The following DGKB variants were observed in gnomAD, a reference collection of about 807,000 sequenced individuals.
DGKB encodes 90 kDa diacylglycerol kinase.
A neutral mutation model predicts 114.3 loss-of-function variants in DGKB; 67 were observed. That is an observed-to-expected ratio of 0.59 (90% confidence interval 0.48 to 0.72). The LOEUF (loss-of-function observed/expected upper bound fraction) is 0.72, where lower values mean the gene tolerates loss of function less well. Ranked by LOEUF, DGKB falls within the 30% of genes least tolerant of loss-of-function variation. DGKB has a pLI of 0.00. For synonymous variants in DGKB, 398 were observed against 323.1 expected (o/e 1.23, Z -2.49); for missense variants, 907 against 975.2 (o/e 0.93, Z 0.93).
intron 5 of DGKB, among the ~76,000 whole-genome samples, chr7:14,732,276 C>A (rs1407871090): frequency 6.6e-6 from 1 of 151,890 alleles, no homozygotes; most frequent in African/African-American, 2.4e-5. Flanking sequence ...AGACTACCTA[C>A]TCTATTCCTG....
At chr7:14,504,072 T>G (rs1226215528) in intron 20 of DGKB, among the ~76,000 whole-genome samples, 2 of 152,174 alleles carry the variant, frequency 1.3e-5, no homozygotes, top group East Asian at 3.8e-4. Context: ...AAATGCAAAT[T>G]TTGCATGTAG....
chr7:14,689,471 G>T (rs1166546271), intron 9 of DGKB, among the ~76,000 whole-genome samples: 3 of 151,998 alleles, frequency 2.0e-5, no homozygotes, highest in Admixed American at 6.6e-5. Flanking sequence ...GCGCCCGGCC[G>T]AAACTTCTCT....
intron 1 of DGKB, among the ~76,000 whole-genome samples, chr7:14,923,737 G>A (rs1014963966): frequency 9.2e-5 from 14 of 152,184 alleles, no homozygotes; most frequent in African/African-American, 3.4e-4. Flanking sequence ...GCACATGCCT[G>A]TGATCCCAGC....
At chr7:14,154,868 C>T (rs1320377204) in intron 25 of DGKB, among the ~76,000 whole-genome samples, 3 of 147,922 alleles carry the variant, frequency 2.0e-5, no homozygotes, top group Non-Finnish European at 4.5e-5. Flanking sequence ...TTTCGTTACA[C>T]GTGCATATAC....
intron 6 of DGKB, among the ~76,000 whole-genome samples, chr7:14,709,183 G>A (rs1251629005): frequency 1.3e-5 from 2 of 152,120 alleles, no homozygotes; most frequent in Non-Finnish European, 2.9e-5. Context: ...CTCAAAAGAA[G>A]ACATTTATGC....
chr7:14,233,298 T>C (rs1349058741), intron 23 of DGKB, among the ~76,000 whole-genome samples: 5 of 152,078 alleles, frequency 3.3e-5, no homozygotes, highest in Non-Finnish European at 7.4e-5. Context: ...TGGGACTGTC[T>C]GAAGCAACTC....
At chr7:14,337,422 C>G (rs138989489) in intron 23 of DGKB, among the ~76,000 whole-genome samples, 1 of 152,150 alleles carries the variant, frequency 6.6e-6, no homozygotes, top group East Asian at 1.9e-4. Context: ...GCATCAAAAC[C>G]ACCTGTCATT....
At chr7:14,648,162 C>A (rs571863025) in intron 13 of DGKB, among the ~76,000 whole-genome samples, 344 of 152,362 alleles carry the variant, frequency 2.3e-3, no homozygotes, top group African/African-American at 7.6e-3. Context: ...GGAGGCCTGC[C>A]TGCCTCTGTA....
intron 1 of DGKB, among the ~76,000 whole-genome samples, chr7:14,883,919 T>C (rs568217103): frequency 1.3e-5 from 2 of 152,120 alleles, no homozygotes; most frequent in East Asian, 1.9e-4. Flanking sequence ...AATTAATAAA[T>C]AGGTGCTTCC....
intron 13 of DGKB, among the ~76,000 whole-genome samples, chr7:14,663,153 TAACTG>T (rs778309029): frequency 2.6e-5 from 4 of 152,020 alleles, no homozygotes; most frequent in Non-Finnish European, 5.9e-5. Flanking sequence ...AGTTCTAAGG[TAACTG>T]AACCAATTTA....
intron 2 of DGKB, among the ~76,000 whole-genome samples, chr7:14,778,421 G>C (rs763169265): frequency 6.6e-6 from 1 of 151,828 alleles, no homozygotes; most frequent in East Asian, 1.9e-4. Flanking sequence ...TGTGCTACAC[G>C]CTCCACATTA....
intron 16 of DGKB, among the ~76,000 whole-genome samples, chr7:14,613,093 G>C (rs766790996): frequency 6.6e-5 from 10 of 152,050 alleles, no homozygotes; most frequent in Non-Finnish European, 1.3e-4. Flanking sequence ...GGGGATAGGG[G>C]TGATAGGTGG....
At chr7:14,238,030 TA>T (rs1793067788) in intron 23 of DGKB, among the ~76,000 whole-genome samples, 1 of 152,080 alleles carries the variant, frequency 6.6e-6, no homozygotes, top group Non-Finnish European at 1.5e-5. Context: ...GTTTCCTATA[TA>T]TACACCCATA....
intron 23 of DGKB, among the ~76,000 whole-genome samples, chr7:14,247,513 A>G (rs1794658828): frequency 6.6e-6 from 1 of 151,968 alleles, no homozygotes; most frequent in Non-Finnish European, 1.5e-5. Flanking sequence ...TCCAACATTT[A>G]TCTTTAGTCT....
chr7:14,671,852 T>G (rs560630567), intron 13 of DGKB, among the ~76,000 whole-genome samples: 1 of 152,268 alleles, frequency 6.6e-6, no homozygotes, highest in South Asian at 2.1e-4. Flanking sequence ...ACATTTAAAT[T>G]AACCTAAAAT....
At chr7:14,696,971 G>T (rs184524855) in intron 8 of DGKB, among the ~76,000 whole-genome samples, 1 of 152,242 alleles carries the variant, frequency 6.6e-6, no homozygotes, top group African/African-American at 2.4e-5. Context: ...TCTTGAATTT[G>T]CATAAAATGT....
At chr7:14,396,250 A>C (rs772081745) in intron 21 of DGKB, among the ~76,000 whole-genome samples, 9 of 152,142 alleles carry the variant, frequency 5.9e-5, no homozygotes, top group Non-Finnish European at 1.2e-4. Flanking sequence ...TTTATTTGAT[A>C]CAACAATTAA....
At chr7:14,213,289 T>G (rs1310554632) in intron 23 of DGKB, among the ~76,000 whole-genome samples, 1 of 152,086 alleles carries the variant, frequency 6.6e-6, no homozygotes, top group Non-Finnish European at 1.5e-5. Flanking sequence ...TTTTTTCTGT[T>G]AACAATGCTG....
intron 21 of DGKB, among the ~76,000 whole-genome samples, chr7:14,433,805 C>CAT (rs59883179): frequency 0.097 from 14,761 of 152,090 alleles, 938 homozygotes; most frequent in East Asian, 0.28. Context: ...GTAATATTTG[C>CAT]ATATATACAA....
Sources: gnomAD v4.1 joint callset for allele counts (sites outside exome capture counted in the v4.1 genomes callset) on GRCh38, gnomAD v4.1.1 for gene constraint, MANE v1.5 for transcripts, NCBI Gene and HGNC (gene_info 2026-07-23, HGNC 2026-07-21) for gene names.